TFEC: variants seen among roughly 807,000 people sequenced by gnomAD.
The protein encoded by TFEC is class E basic helix-loop-helix protein 34.
Under a neutral mutation model 41.6 loss-of-function variants are expected in TFEC, and 31 were observed. The observed-to-expected ratio is 0.74, with a 90% CI of 0.56 to 1.01. The LOEUF (loss-of-function observed/expected upper bound fraction) is 1.01. Among genes scored for constraint, TFEC ranks in the 50% least tolerant of loss-of-function variants. TFEC has a pLI of 0.00. For missense variants in TFEC, 402 were observed against 404.1 expected, an observed-to-expected ratio of 0.99 and a Z score of 0.04; for synonymous variants, 143 against 140.6, an observed-to-expected ratio of 1.02 and a Z score of -0.12.
chr7:116,056,481 A>C (rs539663673), intron 3 of TFEC, among the ~76,000 whole-genome samples: 5 of 152,154 alleles, frequency 3.3e-5, no homozygotes, highest in Non-Finnish European at 5.9e-5. Flanking sequence ...ACCACTCAAA[A>C]TGACTAGAGG....
chr7:115,936,886 C>CT lies in TFEC; in HGVS notation c.*3664dup, dbSNP rs201497470. 8.6e-3 allele frequency: 1,306 copies of CT among 151,496 alleles called. 22 individuals are homozygous for CT. Among genetic ancestry groups the CT allele is most frequent in the African/African-American group, 0.028 (1,175 of 41,430 alleles). The allele number at this position is 151,496 out of a possible 1,614,324, so 9.4% of individuals were successfully genotyped here. ...TCATCTGGCTATTTATTATTTAGGG[C>CT]TTTTTTAAAAACCTATATAAAGAAA... On this transcript the variant is annotated 3_prime_UTR_variant, in exon 8 of 8. Transcript: ENST00000265440.
At chr7:115,976,204 A>T (rs1026212165) in intron 2 of TFEC, among the ~76,000 whole-genome samples, 4 of 152,072 alleles carry the variant, frequency 2.6e-5, no homozygotes, top group Admixed American at 6.6e-5. Flanking sequence ...CATGCAGATC[A>T]CTTGAGGTCA....
intron 3 of TFEC, among the ~76,000 whole-genome samples, chr7:116,109,104 T>G (rs1797788622): frequency 6.6e-6 from 1 of 151,764 alleles, no homozygotes; most frequent in Admixed American, 6.6e-5. Context: ...ATGTTAGACC[T>G]AAAACCATAA....
At position 116,097,950 on chromosome 7, in the gene TFEC, G is replaced by A. The variant is rs563260514; in HGVS notation, c.198+12758C>T. On this transcript the variant is annotated intron_variant, in intron 3 of 8. Transcript: ENST00000484212. Reference sequence around the variant, plus strand: ...AATCAAAGAATGAGAAACAGAGTGAGTGAACAAACAATAAATACATAAACT... The same window carrying A: ...AATCAAAGAATGAGAAACAGAGTGAATGAACAAACAATAAATACATAAACT... Among the ~76,000 whole-genome samples the A allele has an allele frequency of 5.8e-4, 88 of 152,266 alleles. 1 individual carries two copies. The highest frequency in any genetic ancestry group is 2.0e-3 in the African/African-American group (85 of 41,560).
chr7:116,121,918 G>C (rs59776763), intron 1 of TFEC, among the ~76,000 whole-genome samples: 4,164 of 151,976 alleles, frequency 0.027, 212 homozygotes, highest in African/African-American at 0.095. Context: ...GTAGCTATTG[G>C]GAGGAAAGGA....
chr7:115,975,448 A>G (rs368072159), intron 2 of TFEC, among the ~76,000 whole-genome samples: 1 of 152,188 alleles, frequency 6.6e-6, no homozygotes, highest in Non-Finnish European at 1.5e-5. Context: ...TCAAAGCAAG[A>G]TATCTAGGAA....
chr7:116,032,816 G>A (rs1277402464), upstream of TFEC, among the ~76,000 whole-genome samples: 1 of 152,044 alleles, frequency 6.6e-6, no homozygotes, highest in East Asian at 1.9e-4. Context: ...ACCTGCACAT[G>A]TATCACTGAA....
At chr7:116,117,750 C>G (rs1260058818) in intron 1 of TFEC, among the ~76,000 whole-genome samples, 1 of 151,828 alleles carries the variant, frequency 6.6e-6, no homozygotes, top group Non-Finnish European at 1.5e-5. Flanking sequence ...GGGATTAGAA[C>G]CTAGTTCTCT....
intron 3 of TFEC, among the ~76,000 whole-genome samples, chr7:116,075,404 G>A (rs529219449): frequency 2.0e-4 from 30 of 152,302 alleles, no homozygotes; most frequent in Non-Finnish European, 5.9e-5. Flanking sequence ...GAACTGGATT[G>A]CTGCTGCAGG....
intron 3 of TFEC, among the ~76,000 whole-genome samples, chr7:116,081,639 T>C (rs1260721327): frequency 6.6e-6 from 1 of 152,054 alleles, no homozygotes; most frequent in African/African-American, 2.4e-5. Flanking sequence ...CATGTGCTCT[T>C]ATTGGTACTC....
chr7:115,958,715 A>C (rs976536501), intron 3 of TFEC, among the ~76,000 whole-genome samples: 16 of 151,856 alleles, frequency 1.1e-4, no homozygotes, highest in Non-Finnish European at 1.9e-4. Context: ...AATCCGGCTG[A>C]ACTGTAGCCG....
chr7:115,939,571 A>G lies in TFEC; in HGVS notation c.*980T>C, dbSNP rs1793386462. On this transcript the variant is annotated 3_prime_UTR_variant, in exon 8 of 8. Coordinates refer to ENST00000265440, the MANE Select transcript of TFEC (RefSeq NM_012252.4). ...TGGAGAAAAACCAAATCAACAACTA[A>G]TTGATTTCTGTCCAATACTGATGAA... 1 of 152,046 alleles carries G rather than the reference A, an allele frequency of 6.6e-6. No individual in the cohort carries two copies. Among genetic ancestry groups the G allele is most frequent in the Admixed American group, 6.6e-5 (1 of 15,240 alleles). The allele number at this position is 152,046 out of a possible 1,614,324, so 9.4% of individuals were successfully genotyped here. A position where few individuals can be genotyped will look rare whatever the true frequency, so the allele number is the denominator to read the frequency against.
intron 3 of TFEC, among the ~76,000 whole-genome samples, chr7:115,972,773 A>T (rs913219623): frequency 1.3e-5 from 2 of 152,042 alleles, no homozygotes; most frequent in African/African-American, 4.8e-5. Context: ...TTCATCACCA[A>T]TTTTTTACTG....
intron 1 of TFEC, among the ~76,000 whole-genome samples, chr7:115,994,521 A>T (rs1562920585): frequency 6.6e-6 from 1 of 152,210 alleles, no homozygotes; most frequent in Non-Finnish European, 1.5e-5. Flanking sequence ...AAAAAATCAA[A>T]CAACCCCATC....
At chr7:116,019,470 A>C (rs1795314713) in intron 1 of TFEC, among the ~76,000 whole-genome samples, 1 of 152,100 alleles carries the variant, frequency 6.6e-6, no homozygotes, top group Non-Finnish European at 1.5e-5. Flanking sequence ...ACAATGACAA[A>C]ATGGCAGCCA....
intron 1 of TFEC, among the ~76,000 whole-genome samples, chr7:116,017,818 A>T (rs1338957715): frequency 1.3e-5 from 2 of 152,182 alleles, no homozygotes; most frequent in East Asian, 3.8e-4. Flanking sequence ...CTGTTTAAAT[A>T]GGTCCTTCCC....
chr7:116,152,533 A>G (rs956185888), intron 1 of TFEC, among the ~76,000 whole-genome samples: 2 of 152,212 alleles, frequency 1.3e-5, no homozygotes, highest in African/African-American at 2.4e-5. Flanking sequence ...AGACCAGGCA[A>G]TGACTGGAAA....
At chr7:116,107,447 C>T (rs1409297038) in intron 3 of TFEC, among the ~76,000 whole-genome samples, 6 of 152,126 alleles carry the variant, frequency 3.9e-5, no homozygotes, top group Non-Finnish European at 8.8e-5. Flanking sequence ...TACTTATTTT[C>T]CTTGATGGCA....
At chr7:116,047,057 T>C (rs1173836645) in intron 3 of TFEC, among the ~76,000 whole-genome samples, 1 of 152,186 alleles carries the variant, frequency 6.6e-6, no homozygotes, top group Non-Finnish European at 1.5e-5. Context: ...GGTTCCAAGA[T>C]GGCCGAATAG....
Sources: gnomAD v4.1 joint callset for allele counts (sites outside exome capture counted in the v4.1 genomes callset) on GRCh38, gnomAD v4.1.1 for gene constraint, MANE v1.5 for transcripts, NCBI Gene and HGNC (gene_info 2026-07-23, HGNC 2026-07-21) for gene names.